The following XKR3 variants were observed in gnomAD, a reference collection of about 807,000 sequenced individuals.
XKR3 encodes XK-related protein 3.
A neutral mutation model predicts 40.3 loss-of-function variants in XKR3; 27 were observed. The ratio of observed to expected loss-of-function variants is 0.67; its 90% confidence interval spans 0.49 to 0.92. XKR3 has a LOEUF of 0.92. Ranked by LOEUF, XKR3 falls within the 40% of genes least tolerant of loss-of-function variation. The probability of loss-of-function intolerance (pLI) is 0.00; values close to 1 mark genes in which losing one functional copy is unlikely to be tolerated. For synonymous variants in XKR3, 193 were observed against 195.4 expected (o/e 0.99, Z 0.10); for missense variants, 472 against 537.6 (o/e 0.88, Z 1.21).
At position 16,808,012 on chromosome 22, in the gene XKR3, T is replaced by C; in HGVS notation, c.62A>G (p.Glu21Gly). The C allele has an allele frequency of 6.2e-7, 1 of 1,613,548 alleles. No homozygotes were observed. Among genetic ancestry groups the C allele is most frequent in the South Asian group, 1.1e-5 (1 of 91,026 alleles). Residue 21 changes from glutamate (E) to glycine (G), a missense_variant, in exon 2 of 4, where the codon GAA becomes GGA. By Grantham distance (98) the Glu-to-Gly change is moderately conservative. Coordinates refer to ENST00000684488, the MANE Select transcript of XKR3 (RefSeq NM_001386955.1). ...ESTGGVSSSK[E>G]EIVLGQRLHL... Reference sequence around the variant, plus strand: ...GAGTCTCTGGCCAAGGACTATTTCTTCTTTCGAAGATGAAACTCCTCCTGT... The same window carrying C: ...GAGTCTCTGGCCAAGGACTATTTCTCCTTTCGAAGATGAAACTCCTCCTGT...
rs1172068843 is a variant in XKR3, at chr22:16,783,804, AC to A, written c.1194del (p.Gln398HisfsTer27). 1 of 1,614,204 alleles carries A rather than the reference AC, an allele frequency of 6.2e-7. No individual in the cohort carries two copies. Among genetic ancestry groups the A allele is most frequent in the Non-Finnish European group, 8.5e-7 (1 of 1,180,036 alleles). On this transcript the variant is annotated frameshift_variant, in exon 4 of 4. Coordinates refer to ENST00000684488, the MANE Select transcript of XKR3 (RefSeq NM_001386955.1). LOFTEE classifies it high-confidence loss of function. ...TTGCCTGACTGCCATGGGTACAAAT[AC>A]TGATAGAAGAGGAGCATAAAGCCAG... ...LATGFMLLFY[Q>X]YLYPWQSGKV...
intron 1 of XKR3, among the ~76,000 whole-genome samples, chr22:16,817,197 C>T (rs1343365501): frequency 1.3e-5 from 2 of 151,824 alleles, no homozygotes; most frequent in African/African-American, 2.4e-5. Context: ...TATTTTTGTC[C>T]TCCTACTCAC....
In XKR3 at chr22:16,806,473, T is replaced by TG. The variant is rs1278302900; in HGVS notation, c.335+1265_335+1266insC. 1.1e-4 allele frequency among the ~76,000 whole-genome samples: 16 copies of TG among 150,222 alleles called. No homozygotes were observed. The East Asian group carries it at 1.9e-3, about 18-fold the overall frequency. On this transcript the variant is annotated intron_variant, in intron 2 of 3. Transcript: ENST00000684488. ...TTGTGATGGAATATAGTTAAGGTTTTTTTTTTTTTTTTTTGACAGAGTTTT... is the reference window on the plus strand; with the variant it reads ...TTGTGATGGAATATAGTTAAGGTTTTGTTTTTTTTTTTTTTGACAGAGTTTT...
At chr22:16,813,206 C>G (rs567458171) in intron 1 of XKR3, among the ~76,000 whole-genome samples, 1 of 151,922 alleles carries the variant, frequency 6.6e-6, no homozygotes, top group Non-Finnish European at 1.5e-5. Flanking sequence ...ATGGCGTGAA[C>G]CTGGGAGACG....
At chr22:16,800,159 CTG>C (rs1476026183) in intron 2 of XKR3, 135 bp from the exon 3 acceptor site, 11 of 1,004,342 alleles carry the variant, frequency 1.1e-5, no homozygotes, top group Non-Finnish European at 1.3e-5. Context: ...CTTAATCACA[CTG>C]GATAAAAAAT....
At chr22:16,788,071 A>G (rs1489080655) in intron 3 of XKR3, among the ~76,000 whole-genome samples, 20 of 152,194 alleles carry the variant, frequency 1.3e-4, no homozygotes, top group African/African-American at 4.6e-4. Context: ...TCCTGGATAT[A>G]TCATACATTA....
Position 16,783,765 on chromosome 22 carries a change from G to A in XKR3, c.1234C>T (p.Arg412Cys), listed in dbSNP as rs2060075924. ...PWQSGKVLPG[R>C]TENQPEAPYY... ...GGTGCTTCTGGCTGATTTTCAGTACGTCCTGGCAACACTTTGCCTGACTGC... is the reference window on the plus strand; with the variant it reads ...GGTGCTTCTGGCTGATTTTCAGTACATCCTGGCAACACTTTGCCTGACTGC... Residue 412 changes from arginine to cysteine, a missense_variant, in exon 4 of 4, where the codon CGT becomes TGT. By Grantham distance (180) the Arg-to-Cys change is radical (BLOSUM62 -3). Transcript: ENST00000684488. The A allele has an allele frequency of 1.8e-5, 29 of 1,613,894 alleles. No individual in the cohort carries two copies. The highest frequency in any genetic ancestry group is 2.2e-5 in the East Asian group (1 of 44,892).
chr22:16,794,478 G>GA (rs1282175468), intron 3 of XKR3, among the ~76,000 whole-genome samples: 1 of 151,602 alleles, frequency 6.6e-6, no homozygotes, highest in East Asian at 1.9e-4. Context: ...GATTCATAAG[G>GA]AAAAAAGAAA....
intron 3 of XKR3, among the ~76,000 whole-genome samples, chr22:16,795,976 G>A (rs79404976): frequency 2.0e-5 from 2 of 98,692 alleles, no homozygotes; most frequent in Admixed American, 1.0e-4. Flanking sequence ...CAAAAAAAAA[G>A]GGACCAGAAA....
intron 1 of XKR3, among the ~76,000 whole-genome samples, chr22:16,810,323 T>A (rs755729716): frequency 2.6e-4 from 39 of 152,250 alleles, no homozygotes; most frequent in Non-Finnish European, 4.8e-4. Flanking sequence ...CCATTTCACC[T>A]GATAATAATT....
chr22:16,803,698 C>T (rs765460374), intron 2 of XKR3, among the ~76,000 whole-genome samples: 2 of 152,156 alleles, frequency 1.3e-5, no homozygotes, highest in Non-Finnish European at 2.9e-5. Context: ...CTCACTGCTG[C>T]GCTCCCACCA....
intron 3 of XKR3, among the ~76,000 whole-genome samples, chr22:16,796,732 T>C (rs766165044): frequency 6.6e-6 from 1 of 152,194 alleles, no homozygotes; most frequent in Non-Finnish European, 1.5e-5. Context: ...AACATCATAC[T>C]GAATGGGCAG....
chr22:16,821,548 A>G (rs951835626), intron 1 of XKR3: 3 of 152,064 alleles, frequency 2.0e-5, no homozygotes, highest in African/African-American at 7.2e-5. Context: ...TTTGTTGAAC[A>G]GTAATACTCA....
At chr22:16,800,359 T>G (rs2060163688) in intron 2 of XKR3, among the ~76,000 whole-genome samples, 2 of 152,194 alleles carry the variant, frequency 1.3e-5, no homozygotes, top group Non-Finnish European at 2.9e-5. Flanking sequence ...TATCACAATG[T>G]TTTTCTAATG....
chr22:16,783,883 A>G lies in XKR3; in HGVS notation c.1116T>C (p.Asn372=). 1 of 1,614,190 alleles carries G rather than the reference A, an allele frequency of 6.2e-7. No homozygotes were observed. The highest frequency in any genetic ancestry group is 1.1e-5 in the South Asian group (1 of 91,086). Residue 372 remains asparagine (N), a synonymous_variant, in exon 4 of 4, where the codon AAT becomes AAC. Coordinates refer to ENST00000684488, the MANE Select transcript of XKR3 (RefSeq NM_001386955.1). ...GCACGGCAATTAATGAGTCACAACA[A>G]TTCAGCAAAGTTTTCCCTCCAAAGA... ...FRFFGGKTLL[N]CCDSLIAVQL... is the part of the protein sequence containing the mutation.
rs1237483100 is a variant in XKR3 at position 16,795,024 on chromosome 22, A to G, written c.589+4747T>C. 2.0e-5 allele frequency among the ~76,000 whole-genome samples: 3 copies of G among 152,216 alleles called. No individual in the cohort carries two copies. The East Asian group carries it at 5.8e-4, about 29-fold the overall frequency. ...TTCTTGACTAAAAAAGAAACTCTGG[A>G]CTTAAACTCAACACTTGACCAAATG... On this transcript the variant is annotated intron_variant, in intron 3 of 3. Transcript: ENST00000684488.
At chr22:16,806,986 A>G (rs1198087056) in intron 2 of XKR3, among the ~76,000 whole-genome samples, 6 of 152,224 alleles carry the variant, frequency 3.9e-5, no homozygotes, top group Non-Finnish European at 8.8e-5. Context: ...AGTCTTTCCC[A>G]AAGTTAATCT....
chr22:16,803,673 T>A (rs1218513682), intron 2 of XKR3, among the ~76,000 whole-genome samples: 1 of 152,062 alleles, frequency 6.6e-6, no homozygotes, highest in Admixed American at 6.5e-5. Flanking sequence ...GCCACAAGAG[T>A]GACCTCTGGT....
rs534260646 is a variant in XKR3 at position 16,803,798 on chromosome 22, T to C, written c.336-3774A>G. On this transcript the variant is annotated intron_variant, in intron 2 of 3. Transcript: ENST00000684488. Reference sequence around the variant, plus strand: ...GGAGGCATGAATAATCCACCCCTTGTTTAGCATACCATCAAGAAAGAACCA... The same window carrying C: ...GGAGGCATGAATAATCCACCCCTTGCTTAGCATACCATCAAGAAAGAACCA... Among the ~76,000 whole-genome samples, 31 of 152,312 alleles carry C rather than the reference T, an allele frequency of 2.0e-4. No individual in the cohort carries two copies. The South Asian group carries it at 6.2e-3, about 31-fold the overall frequency.
Sources: allele counts gnomAD v4.1 joint callset (sites outside exome capture counted in the v4.1 genomes callset), GRCh38; gene constraint gnomAD v4.1.1; transcripts MANE v1.5; gene names NCBI Gene and HGNC (gene_info 2026-07-23, HGNC 2026-07-21).